The following LRRN2 variants were observed in gnomAD, a reference collection of about 807,000 sequenced individuals.
LRRN2 encodes the protein leucine-rich repeat neuronal protein 2.
A neutral mutation model predicts 35.7 loss-of-function variants in LRRN2; 10 were observed. The ratio of observed to expected loss-of-function variants is 0.28; its 90% CI spans 0.17 to 0.47. The LOEUF is 0.47. Among genes scored for constraint, LRRN2 ranks in the 20% least tolerant of loss-of-function variants. The pLI is 0.99. For synonymous variants in LRRN2, 391 were observed against 409.6 expected (o/e 0.95, Z 0.55); for missense variants, 731 against 940.3 (o/e 0.78, Z 2.91).
At chr1:204,630,533 A>G (rs1667664408) in intron 1 of LRRN2, among the ~76,000 whole-genome samples, 1 of 152,044 alleles carries the variant, frequency 6.6e-6, no homozygotes, top group Admixed American at 6.5e-5. Context: ...CACGCCGCGG[A>G]AGGAGTCCTG....
At chr1:204,638,431 A>ATTTTTTT (rs1667894835) in intron 1 of LRRN2, among the ~76,000 whole-genome samples, 5 of 11,464 alleles carry the variant, frequency 4.4e-4, no homozygotes, top group Non-Finnish European at 7.2e-4. Flanking sequence ...TTTTTTTTTG[A>ATTTTTTT]GACGGAGTCT....
At chr1:204,649,823 G>A (rs939222572) in intron 1 of LRRN2, among the ~76,000 whole-genome samples, 72 of 152,160 alleles carry the variant, frequency 4.7e-4, no homozygotes, top group African/African-American at 1.7e-3. Flanking sequence ...TCCCCACCAT[G>A]GCAGTAGGGG....
chr1:204,631,262 ATATATATATATATATAT>A (rs941306523), intron 1 of LRRN2, among the ~76,000 whole-genome samples: 1,736 of 37,920 alleles, frequency 0.046, 271 homozygotes, highest in African/African-American at 0.14. Flanking sequence ...TGTTCTATAT[ATATATATATATATATAT>A]ATATATATAT....
At chr1:204,675,108 T>G (rs1668798594) in intron 1 of LRRN2, among the ~76,000 whole-genome samples, 1 of 152,104 alleles carries the variant, frequency 6.6e-6, no homozygotes, top group Non-Finnish European at 1.5e-5. Context: ...TTCCTGGGCC[T>G]CGATTTCATT....
At chr1:204,635,615 C>T (rs1354598145) in intron 1 of LRRN2, among the ~76,000 whole-genome samples, 3 of 152,210 alleles carry the variant, frequency 2.0e-5, no homozygotes, top group African/African-American at 4.8e-5. Context: ...ATCCCAAACC[C>T]GGCTGGCTCC....
intron 1 of LRRN2, among the ~76,000 whole-genome samples, chr1:204,675,436 G>C (rs1668803846): frequency 6.6e-6 from 1 of 152,202 alleles, no homozygotes; most frequent in Non-Finnish European, 1.5e-5. Flanking sequence ...GGCTGGAGGA[G>C]AGACTCTGTT....
At chr1:204,652,260 G>GCCCCCCCCCCCCCCCCCCC (rs57390819) in intron 1 of LRRN2, among the ~76,000 whole-genome samples, 6 of 60,456 alleles carry the variant, frequency 9.9e-5, no homozygotes, top group East Asian at 3.6e-4. Flanking sequence ...CCTCTTCACC[G>GCCCCCCCCCCCCCCCCCCC]CCCCCCCCCC....
At chr1:204,624,249 G>A (rs544906576) in intron 1 of LRRN2, among the ~76,000 whole-genome samples, 4 of 150,442 alleles carry the variant, frequency 2.7e-5, no homozygotes, top group Non-Finnish European at 5.9e-5. Flanking sequence ...GAAGGACACT[G>A]TTCCTGTGTG....
intron 1 of LRRN2, among the ~76,000 whole-genome samples, chr1:204,639,097 G>A (rs1408088318): frequency 6.6e-6 from 1 of 152,204 alleles, no homozygotes; most frequent in African/African-American, 2.4e-5. Flanking sequence ...TGGGCCATAA[G>A]GGCTCTCTCA....
At chr1:204,676,243 TCTTGTCTTTCCACA>T (rs898003093) in intron 1 of LRRN2, among the ~76,000 whole-genome samples, 14 of 152,048 alleles carry the variant, frequency 9.2e-5, no homozygotes, top group Admixed American at 5.2e-4. Flanking sequence ...TGAGATAGCA[TCTTGTCTTTCCACA>T]CTTTGACCTT....
At position 204,618,823 on chromosome 1, in the gene LRRN2, G is replaced by A. The variant is rs368126022; in HGVS notation, c.1170C>T (p.Ile390=). 16 of 1,614,088 alleles carry A rather than the reference G, an allele frequency of 9.9e-6. No individual in the cohort carries two copies. Among genetic ancestry groups the A allele is most frequent in the Non-Finnish European group, 1.2e-5 (14 of 1,180,014 alleles). Residue 390 remains isoleucine (I), a synonymous_variant, in exon 2 of 2, where the codon ATC becomes ATT. Transcript: ENST00000367177. ...CCGCACACAGGGTGGATTGCGGCTC[G>A]ATGAAGCGGACACGGGTGCCCGTGG... ...ANATGTRVRF[I]EPQSTLCAEP...
intron 1 of LRRN2, among the ~76,000 whole-genome samples, chr1:204,657,075 G>A (rs545127455): frequency 2.0e-5 from 3 of 152,078 alleles, no homozygotes; most frequent in Non-Finnish European, 2.9e-5. Flanking sequence ...GAACCGAGGC[G>A]GGTGGACCAT....
In LRRN2 at chr1:204,654,145, A is replaced by G. The variant is rs541048630; in HGVS notation, c.-227+31175T>C. Among the ~76,000 whole-genome samples, 10 of 152,250 alleles carry G rather than the reference A, an allele frequency of 6.6e-5. No individual in the cohort carries two copies. In the South Asian group the frequency reaches 1.5e-3, roughly 22 times the overall value. On this transcript the variant is annotated intron_variant, in intron 1 of 1. Coordinates refer to ENST00000367177, the MANE Select transcript of LRRN2 (RefSeq NM_201630.2). The stretch of plus-strand genomic sequence containing the variant: ...TCTGGCCCCAAAGTCTGTGTGCTTA[A>G]CCACTGAGGAAGATTGTCCTTGAAG...
At chr1:204,671,942 G>C (rs747758682) in intron 1 of LRRN2, among the ~76,000 whole-genome samples, 3 of 152,160 alleles carry the variant, frequency 2.0e-5, no homozygotes, top group Non-Finnish European at 2.9e-5. Flanking sequence ...TTGGGTCTGG[G>C]GTAGAAGAAG....
chr1:204,619,851 G>A lies in LRRN2; in HGVS notation c.142C>T (p.Arg48Cys), dbSNP rs780674784. The change falls in exon 2 of 2, where the codon CGC (arginine) becomes TGC (cysteine). Residue 48 changes from arginine (R) to cysteine (C), a missense_variant. Arg to Cys is a radical substitution (Grantham distance 180, BLOSUM62 -3). Transcript: ENST00000367177. ...TTGCAGTCCACAGTGGTAGCCTCGC[G>A]GTAGGACGAGCGGGGCGTATACCAG... Reference protein sequence around the residue: ...RPWYTPRSSYREATTVDCNDL... With the variant: ...RPWYTPRSSYCEATTVDCNDL... The A allele has an allele frequency of 1.2e-5, 19 of 1,613,780 alleles. No individual in the cohort carries two copies. The highest frequency in any genetic ancestry group is 1.7e-4 in the Middle Eastern group (1 of 6,052).
intron 1 of LRRN2, among the ~76,000 whole-genome samples, chr1:204,626,344 C>T (rs1468591687): frequency 6.6e-6 from 1 of 152,082 alleles, no homozygotes; most frequent in Admixed American, 6.5e-5. Flanking sequence ...ACGGTGGCCT[C>T]TTTTGGGCTT....
intron 1 of LRRN2, among the ~76,000 whole-genome samples, chr1:204,624,656 C>A (rs373956129): frequency 1.3e-5 from 2 of 152,128 alleles, no homozygotes; most frequent in Non-Finnish European, 2.9e-5. Context: ...CTCAGGCCCC[C>A]GGCCCCAGCA....
intron 1 of LRRN2, among the ~76,000 whole-genome samples, chr1:204,677,683 T>C (rs936896712): frequency 6.6e-6 from 1 of 151,986 alleles, no homozygotes; most frequent in African/African-American, 2.4e-5. Flanking sequence ...GAGGCCGAGA[T>C]TCCCAGCATG....
At chr1:204,629,926 T>C (rs1210037550) in intron 1 of LRRN2, among the ~76,000 whole-genome samples, 4 of 152,082 alleles carry the variant, frequency 2.6e-5, no homozygotes, top group Non-Finnish European at 4.4e-5. Context: ...GACATAAATA[T>C]AGGACCAGCA....
Sources: allele counts gnomAD v4.1 joint callset (sites outside exome capture counted in the v4.1 genomes callset), GRCh38; gene constraint gnomAD v4.1.1; transcripts MANE v1.5; gene names NCBI Gene and HGNC (gene_info 2026-07-23, HGNC 2026-07-21).